Variants in SOBP observed in about 807,000 individuals in gnomAD.
SOBP encodes sine oculis binding protein homolog, also known as sine oculis-binding protein homolog.
SOBP carries 4 observed loss-of-function variants against 53.6 expected under a neutral mutation model. The ratio of observed to expected loss-of-function variants is 0.07; its 90% confidence interval spans 0.04 to 0.17. The LOEUF (loss-of-function observed/expected upper bound fraction) is 0.17. Ranked by LOEUF, SOBP falls within the 10% of genes least tolerant of loss-of-function variation. The pLI, the probability that SOBP is intolerant of heterozygous loss-of-function variation, is 1.00. For synonymous variants in SOBP, 584 were observed against 522.6 expected, an observed-to-expected ratio of 1.12 and a Z score of -1.60; for missense variants, 1,088 against 1,204.7, an observed-to-expected ratio of 0.90 and a Z score of 1.43.
chr6:107,573,777 C>T (rs557161965), intron 4 of SOBP, among the ~76,000 whole-genome samples: 3 of 152,090 alleles, frequency 2.0e-5, no homozygotes, highest in African/African-American at 7.2e-5. Flanking sequence ...TTTTATTTAC[C>T]GCCATAAAAT....
intron 4 of SOBP, among the ~76,000 whole-genome samples, chr6:107,540,655 C>T (rs984020823): frequency 6.6e-6 from 1 of 152,210 alleles, no homozygotes; most frequent in Admixed American, 6.5e-5. Flanking sequence ...GATGCTTGAA[C>T]TCTGCTGCAA....
At chr6:107,613,126 G>A (rs1253027192) in intron 5 of SOBP, among the ~76,000 whole-genome samples, 1 of 152,214 alleles carries the variant, frequency 6.6e-6, no homozygotes, top group Non-Finnish European at 1.5e-5. Context: ...AGTTTGAGAA[G>A]CCCTGAAGTT....
intron 4 of SOBP, among the ~76,000 whole-genome samples, chr6:107,552,902 G>A (rs1784502672): frequency 6.6e-6 from 1 of 152,116 alleles, no homozygotes; most frequent in Non-Finnish European, 1.5e-5. Flanking sequence ...CAGCCTGGGA[G>A]ACAGTGTGAG....
At chr6:107,575,879 C>T (rs912827682) in intron 4 of SOBP, among the ~76,000 whole-genome samples, 6 of 152,298 alleles carry the variant, frequency 3.9e-5, no homozygotes, top group Middle Eastern at 3.4e-3. Context: ...TGATTATCCC[C>T]TATTTAAGCA....
Position 107,506,296 on chromosome 6 carries a change from A to C in SOBP, c.290A>C (p.Asn97Thr). 6.2e-7 allele frequency: 1 copy of C among 1,614,218 alleles called. No homozygotes were observed. The highest frequency in any genetic ancestry group is 8.5e-7 in the Non-Finnish European group (1 of 1,180,038). The change falls in exon 3 of 7, where the codon AAT becomes ACT. Residue 97 changes from asparagine to threonine, a missense_variant. Coordinates refer to ENST00000317357, the MANE Select transcript of SOBP (RefSeq NM_018013.4). ...GAGGACAGTGTTATTTCACCATACAATATAAGCACAGGCTATTCAGGGCTT... is the reference window on the plus strand; with the variant it reads ...GAGGACAGTGTTATTTCACCATACACTATAAGCACAGGCTATTCAGGGCTT... ...LPEDSVISPY[N>T]ISTGYSGLAT...
chr6:107,640,917 A>G (rs1771282902), intron 6 of SOBP, among the ~76,000 whole-genome samples: 1 of 152,178 alleles, frequency 6.6e-6, no homozygotes, highest in Admixed American at 6.5e-5. Flanking sequence ...CCAGATCCAT[A>G]TGGCAGCTCC....
At chr6:107,526,533 A>G (rs1001941388) in intron 3 of SOBP, among the ~76,000 whole-genome samples, 4 of 151,826 alleles carry the variant, frequency 2.6e-5, no homozygotes, top group African/African-American at 7.3e-5. Flanking sequence ...TCAAGACCCA[A>G]CTCAAATGCC....
At chr6:107,569,762 G>A (rs919831961) in intron 4 of SOBP, among the ~76,000 whole-genome samples, 2 of 152,158 alleles carry the variant, frequency 1.3e-5, no homozygotes, top group Admixed American at 6.5e-5. Flanking sequence ...TTCACTCGAG[G>A]TGCCCCTGCC....
chr6:107,639,879 T>C (rs1771232104), intron 6 of SOBP, among the ~76,000 whole-genome samples: 1 of 152,248 alleles, frequency 6.6e-6, no homozygotes. Flanking sequence ...AACCCTTTCA[T>C]CTCACTTTTC....
At chr6:107,603,902 G>T (rs1279243505) in intron 5 of SOBP, among the ~76,000 whole-genome samples, 1 of 150,396 alleles carries the variant, frequency 6.6e-6, no homozygotes, top group Non-Finnish European at 1.5e-5. Flanking sequence ...CCATGGGAAA[G>T]TTTTCTTATT....
At chr6:107,639,534 G>T (rs1024289329) in intron 6 of SOBP, among the ~76,000 whole-genome samples, 74 of 152,244 alleles carry the variant, frequency 4.9e-4, no homozygotes, top group Middle Eastern at 3.4e-3. Context: ...CAGTTCTGCA[G>T]CTTCTGTAAG....
intron 3 of SOBP, among the ~76,000 whole-genome samples, chr6:107,530,462 G>A (rs1351785638): frequency 6.6e-6 from 1 of 152,052 alleles, no homozygotes; most frequent in African/African-American, 2.4e-5. Flanking sequence ...TCTGATGACA[G>A]AATTTTGAAC....
intron 4 of SOBP, among the ~76,000 whole-genome samples, chr6:107,558,656 T>G (rs1222036432): frequency 1.3e-5 from 2 of 151,474 alleles, no homozygotes; most frequent in South Asian, 4.2e-4. Context: ...GCAGGGAGGG[T>G]ACAGGTAAAT....
At position 107,490,427 on chromosome 6, in the gene SOBP, C is replaced by T. The variant is rs1482261264; in HGVS notation, c.-190C>T. Reference sequence around the variant, plus strand: ...TACCCGTGACAGCCACTGACGTCCTCCGCCGCTAGAAGAGACCCCGCTTCT... The same window carrying T: ...TACCCGTGACAGCCACTGACGTCCTTCGCCGCTAGAAGAGACCCCGCTTCT... On this transcript the variant is annotated 5_prime_UTR_variant, in exon 1 of 7. Transcript: ENST00000317357. 1.3e-4 allele frequency: 69 copies of T among 541,474 alleles called. No homozygotes were observed. Among genetic ancestry groups the T allele is most frequent in the Non-Finnish European group, 2.2e-4 (68 of 302,914 alleles). 33.5% of individuals were successfully genotyped at this position (541,474 alleles called of 1,614,324 possible).
intron 6 of SOBP, among the ~76,000 whole-genome samples, chr6:107,640,597 G>A (rs1045036558): frequency 2.0e-5 from 3 of 152,176 alleles, no homozygotes; most frequent in African/African-American, 7.2e-5. Flanking sequence ...GGAATGAATG[G>A]TGTCAAGATT....
intron 3 of SOBP, chr6:107,514,798 G>A (rs1252281203): frequency 6.6e-6 from 1 of 152,146 alleles, no homozygotes; most frequent in Non-Finnish European, 1.5e-5. Context: ...ATGGTTAGTT[G>A]CTCTCCTGAT....
intron 4 of SOBP, among the ~76,000 whole-genome samples, chr6:107,549,096 C>T (rs914578020): frequency 6.6e-6 from 1 of 151,996 alleles, no homozygotes; most frequent in Non-Finnish European, 1.5e-5. Flanking sequence ...TAAACCCTGT[C>T]TCTACTAAAA....
chr6:107,525,344 T>C (rs759071347), intron 3 of SOBP, among the ~76,000 whole-genome samples: 1 of 152,244 alleles, frequency 6.6e-6, no homozygotes, highest in African/African-American at 2.4e-5. Context: ...TGGAGGCACA[T>C]GTACTTAGTA....
At chr6:107,551,002 G>T (rs1304232064) in intron 4 of SOBP, among the ~76,000 whole-genome samples, 1 of 152,212 alleles carries the variant, frequency 6.6e-6, no homozygotes, top group African/African-American at 2.4e-5. Context: ...AGGGCTCATG[G>T]ATAAAGTAAT....
Sources: allele counts gnomAD v4.1 joint callset (sites outside exome capture counted in the v4.1 genomes callset), GRCh38; gene constraint gnomAD v4.1.1; transcripts MANE v1.5; gene names NCBI Gene and HGNC (gene_info 2026-07-23, HGNC 2026-07-21).